LCMT1: variants seen among roughly 807,000 people sequenced by gnomAD.
LCMT1 encodes [Phosphatase 2A protein]-leucine-carboxy methyltransferase 1.
LCMT1 carries 32 observed loss-of-function variants against 47.7 expected under a neutral mutation model. That is an observed-to-expected ratio of 0.67 (90% CI 0.51 to 0.90). The LOEUF (loss-of-function observed/expected upper bound fraction) is 0.90, where lower values mean the gene tolerates loss of function less well. Ranked by LOEUF, LCMT1 falls within the 40% of genes least tolerant of loss-of-function variation. LCMT1 has a pLI of 0.00. For synonymous variants in LCMT1, 152 were observed against 149.7 expected, an observed-to-expected ratio of 1.02 and a Z score of -0.11; for missense variants, 375 against 415.2, an observed-to-expected ratio of 0.90 and a Z score of 0.84.
At chr16:25,126,126 G>A (rs779866765) in intron 1 of LCMT1, 21 of 1,351,734 alleles carry the variant, frequency 1.6e-5, no homozygotes, top group South Asian at 6.8e-5. Flanking sequence ...AGTGGGAGGA[G>A]GAAAGTGTTA....
chr16:25,138,057 C>T (rs1960556366), intron 3 of LCMT1, among the ~76,000 whole-genome samples: 1 of 152,236 alleles, frequency 6.6e-6, no homozygotes, highest in South Asian at 2.1e-4. Flanking sequence ...GTCACCCTAA[C>T]TTTCCTTTTC....
chr16:25,152,609 C>G (rs1024448281), intron 5 of LCMT1, among the ~76,000 whole-genome samples: 1 of 152,144 alleles, frequency 6.6e-6, no homozygotes, highest in Non-Finnish European at 1.5e-5. Flanking sequence ...ATCTCGATTT[C>G]TAGCTTTTCT....
intron 5 of LCMT1, among the ~76,000 whole-genome samples, chr16:25,157,524 C>A (rs1459515814): frequency 6.6e-6 from 1 of 151,648 alleles, no homozygotes. Flanking sequence ...CTGGGTGATA[C>A]AATGCAACGC....
At chr16:25,126,884 C>A (rs1960208074) in intron 1 of LCMT1, among the ~76,000 whole-genome samples, 1 of 152,190 alleles carries the variant, frequency 6.6e-6, no homozygotes, top group Admixed American at 6.5e-5. Flanking sequence ...CCCTTCTGAT[C>A]CTTAAAACTG....
In LCMT1 at chr16:25,120,731, G is replaced by GTT. The variant is rs1434579218; in HGVS notation, c.114-7738_114-7737dup. 1.2e-3 allele frequency among the ~76,000 whole-genome samples: 154 copies of GTT among 132,460 alleles called. 5 individuals carry two copies. The highest frequency in any genetic ancestry group is 4.3e-3 in the African/African-American group (147 of 34,358). 86.9% of individuals were successfully genotyped at this position (132,460 alleles called of 152,430 possible). On this transcript the variant is annotated intron_variant, in intron 1 of 10. Coordinates refer to ENST00000399069, the MANE Select transcript of LCMT1 (RefSeq NM_016309.3). The stretch of plus-strand genomic sequence containing the variant: ...GGCGTGAGACACCGCACCTGGCCTT[G>GTT]TTTTTTTGTTTTTTTTTTTTGTTTT...
At chr16:25,173,704 A>AC (rs1451265628) in intron 9 of LCMT1, among the ~76,000 whole-genome samples, 1 of 146,264 alleles carries the variant, frequency 6.8e-6, no homozygotes, top group Non-Finnish European at 1.5e-5. Context: ...TTTGACAGAA[A>AC]CTTTTTTTTT....
intron 9 of LCMT1, among the ~76,000 whole-genome samples, chr16:25,172,572 C>G (rs559343140): frequency 2.6e-4 from 40 of 152,330 alleles, no homozygotes; most frequent in African/African-American, 8.4e-4. Context: ...TCCTTCTTGC[C>G]TTTGGAGACC....
chr16:25,156,634 C>A (rs61508399), intron 5 of LCMT1, among the ~76,000 whole-genome samples: 1 of 152,144 alleles, frequency 6.6e-6, no homozygotes, highest in South Asian at 2.1e-4. Context: ...GCAGGAGGTG[C>A]GTGCTTCAAG....
chr16:25,169,203 T>TAGAGTCACAGG lies in LCMT1; in HGVS notation c.783_792+1dup. The TAGAGTCACAGG allele has an allele frequency of 6.2e-7, 1 of 1,607,308 alleles. No individual in the cohort carries two copies. Among genetic ancestry groups the TAGAGTCACAGG allele is most frequent in the Non-Finnish European group, 8.5e-7 (1 of 1,174,116 alleles). On this transcript the variant is annotated frameshift_variant, in exon 8 of 11. Coordinates refer to ENST00000399069, the MANE Select transcript of LCMT1 (RefSeq NM_016309.3). LOFTEE classifies it high-confidence loss of function. Reference sequence around the variant, plus strand: ...GCGGGAGTGGAGACCTGCAAGTCATTAGAGTCACAGGTCAGAGAGCAGGGA... The same window carrying TAGAGTCACAGG: ...GCGGGAGTGGAGACCTGCAAGTCATTAGAGTCACAGGAGAGTCACAGGTCAGAGAGCAGGGA...
intron 1 of LCMT1, among the ~76,000 whole-genome samples, chr16:25,124,098 A>G (rs993552802): frequency 6.6e-6 from 1 of 152,212 alleles, no homozygotes; most frequent in Non-Finnish European, 1.5e-5. Flanking sequence ...AAAAGAAAGA[A>G]TCCTAGGAAA....
rs1959612170 is a variant in LCMT1 at position 25,111,757 on chromosome 16, C to T, written c.-127C>T. 1 of 646,562 alleles carries T rather than the reference C, an allele frequency of 1.5e-6. No homozygotes were observed. The highest frequency in any genetic ancestry group is 2.8e-6 in the Non-Finnish European group (1 of 361,244). 40.1% of individuals were successfully genotyped at this position (646,562 alleles called of 1,614,324 possible). A position where few individuals can be genotyped will look rare whatever the true frequency, so the allele number is the denominator to read the frequency against. ...CGTGGGCGGCGTCACTGAGCCGCGCCAGCTGAGCCAGGTAGGGCCCTACCC... is the reference window on the plus strand; with the variant it reads ...CGTGGGCGGCGTCACTGAGCCGCGCTAGCTGAGCCAGGTAGGGCCCTACCC... On this transcript the variant is annotated 5_prime_UTR_variant, in exon 1 of 11. Transcript: ENST00000399069.
chr16:25,128,088 G>A (rs1960240556), intron 1 of LCMT1, among the ~76,000 whole-genome samples: 1 of 152,170 alleles, frequency 6.6e-6, no homozygotes, highest in South Asian at 2.1e-4. Flanking sequence ...CTTCCTCTGG[G>A]CACAGGCTTT....
intron 1 of LCMT1, among the ~76,000 whole-genome samples, chr16:25,122,761 G>C (rs536442310): frequency 6.6e-6 from 1 of 152,258 alleles, no homozygotes; most frequent in Non-Finnish European, 1.5e-5. Context: ...CTGTCAAGCT[G>C]ATGCTTGTCT....
intron 4 of LCMT1, chr16:25,148,572 T>C (rs994982921): frequency 6.6e-6 from 1 of 151,998 alleles, no homozygotes; most frequent in Non-Finnish European, 1.5e-5. Context: ...TTCGAGCCAA[T>C]GAAGTTAAAA....
chr16:25,132,087 G>A (rs894321099), intron 2 of LCMT1: 1 of 431,516 alleles, frequency 2.3e-6, no homozygotes, highest in Non-Finnish European at 4.5e-6. Flanking sequence ...AGCCATGAAA[G>A]GCACATTTCC....
At chr16:25,120,528 G>A (rs1157012409) in intron 1 of LCMT1, among the ~76,000 whole-genome samples, 7 of 151,278 alleles carry the variant, frequency 4.6e-5, no homozygotes, top group African/African-American at 7.3e-5. Flanking sequence ...AGGTTCAAGC[G>A]ATTCTCATGC....
intron 2 of LCMT1, among the ~76,000 whole-genome samples, chr16:25,130,167 C>T (rs867889401): frequency 1.4e-4 from 21 of 151,670 alleles, no homozygotes; most frequent in Admixed American, 2.6e-4. Context: ...GGTGAAACCC[C>T]GTCTCTACTA....
At chr16:25,145,232 T>G (rs1306908308) in intron 4 of LCMT1, 2 of 152,216 alleles carry the variant, frequency 1.3e-5, no homozygotes, top group Non-Finnish European at 2.9e-5. Flanking sequence ...TGGATGGGGC[T>G]GACCTTGTAT....
intron 1 of LCMT1, among the ~76,000 whole-genome samples, chr16:25,112,373 C>CATTCTCG (rs1482389951): frequency 1.3e-5 from 2 of 152,128 alleles, no homozygotes; most frequent in Non-Finnish European, 2.9e-5. Context: ...TTGTAGGTTG[C>CATTCTCG]ATTCTTTAGG....
Sources: gnomAD v4.1 joint callset for allele counts (sites outside exome capture counted in the v4.1 genomes callset) on GRCh38, gnomAD v4.1.1 for gene constraint, MANE v1.5 for transcripts, NCBI Gene and HGNC (gene_info 2026-07-23, HGNC 2026-07-21) for gene names.